Variants in CACNB2 observed in about 807,000 individuals in gnomAD.
CACNB2 encodes the protein voltage-dependent L-type calcium channel subunit beta-2.
In CACNB2, 42 loss-of-function variants were observed where a neutral mutation model predicts 73.3. The ratio of observed to expected loss-of-function variants is 0.57; its 90% CI spans 0.45 to 0.74. The LOEUF (loss-of-function observed/expected upper bound fraction) is 0.74, where lower values mean the gene tolerates loss of function less well. Among genes scored for constraint, CACNB2 ranks in the 30% least tolerant of loss-of-function variants. The pLI is 0.00. For missense variants in CACNB2, 940 were observed against 853.0 expected (o/e 1.10, Z -1.27); for synonymous variants, 348 against 310.3 (o/e 1.12, Z -1.28).
At chr10:18,323,811 T>C (rs1262664499) in intron 2 of CACNB2, among the ~76,000 whole-genome samples, 1 of 152,234 alleles carries the variant, frequency 6.6e-6, no homozygotes, top group Non-Finnish European at 1.5e-5. Context: ...TCCTATTTTC[T>C]CCATCCAGAA....
intron 2 of CACNB2, among the ~76,000 whole-genome samples, chr10:18,330,329 T>C (rs2040750840): frequency 1.3e-5 from 2 of 152,084 alleles, no homozygotes; most frequent in African/African-American, 4.8e-5. Flanking sequence ...CTTCCAAAAC[T>C]CATGACATCA....
intron 3 of CACNB2, among the ~76,000 whole-genome samples, chr10:18,450,708 C>T (rs2046979964): frequency 6.6e-6 from 1 of 151,122 alleles, no homozygotes; most frequent in South Asian, 2.1e-4. Flanking sequence ...CTGCAGTCGC[C>T]GCCCCCTGGG....
chr10:18,331,048 C>A (rs137925813), intron 2 of CACNB2, among the ~76,000 whole-genome samples: 6,896 of 147,590 alleles, frequency 0.047, 301 homozygotes, highest in African/African-American at 0.11. Flanking sequence ...TGCAATGGCG[C>A]GATCTTGGCC....
chr10:18,367,990 C>T (rs1018335405), intron 2 of CACNB2, among the ~76,000 whole-genome samples: 5 of 152,148 alleles, frequency 3.3e-5, no homozygotes, highest in African/African-American at 9.6e-5. Context: ...CTACTGAAAA[C>T]GAAATTCCCT....
chr10:18,146,160 T>A (rs2030950582), intron 1 of CACNB2, among the ~76,000 whole-genome samples: 1 of 152,196 alleles, frequency 6.6e-6, no homozygotes, highest in Admixed American at 6.5e-5. Context: ...TTATTCACAC[T>A]AAGCTATTGG....
At chr10:18,197,044 TTC>T (rs897828004) in intron 2 of CACNB2, among the ~76,000 whole-genome samples, 16 of 151,978 alleles carry the variant, frequency 1.1e-4, no homozygotes, top group African/African-American at 3.6e-4. Flanking sequence ...CTGCCTCTCA[TTC>T]TCTCTCTTCA....
At chr10:18,501,179 G>A (rs2050173040) in intron 5 of CACNB2, among the ~76,000 whole-genome samples, 1 of 152,198 alleles carries the variant, frequency 6.6e-6, no homozygotes, top group Non-Finnish European at 1.5e-5. Context: ...AATGAAAAGA[G>A]CTAAGGTCAT....
intron 3 of CACNB2, among the ~76,000 whole-genome samples, chr10:18,498,033 G>A (rs1261189511): frequency 6.6e-6 from 1 of 152,138 alleles, no homozygotes; most frequent in Non-Finnish European, 1.5e-5. Flanking sequence ...ATTCATGTTT[G>A]TGTTTCCTGA....
At position 18,191,344 on chromosome 10, in the gene CACNB2, C is replaced by A. The variant is rs550279054; in HGVS notation, c.213+40369C>A. Among the ~76,000 whole-genome samples the A allele has an allele frequency of 2.0e-5, 3 of 152,298 alleles. No individual in the cohort carries two copies. The South Asian group carries it at 6.2e-4, about 32-fold the overall frequency. ...AACTAGAACTTGACACCAGCTGCCC[C>A]CCGTGTATTGCTGCTTTTGCAGCCC... On this transcript the variant is annotated intron_variant, in intron 2 of 13. Coordinates refer to ENST00000324631, the MANE Select transcript of CACNB2 (RefSeq NM_201596.3).
intron 2 of CACNB2, among the ~76,000 whole-genome samples, chr10:18,154,530 T>C (rs575410832): frequency 6.6e-6 from 1 of 152,178 alleles, no homozygotes; most frequent in Non-Finnish European, 1.5e-5. Flanking sequence ...TGCGGTGGCC[T>C]GATCTTGGCT....
At chr10:18,396,454 C>G (rs529792148) in intron 2 of CACNB2, among the ~76,000 whole-genome samples, 1 of 152,136 alleles carries the variant, frequency 6.6e-6, no homozygotes, top group Non-Finnish European at 1.5e-5. Context: ...GGTCCTGGCC[C>G]GCTGAAGTCT....
intron 2 of CACNB2, among the ~76,000 whole-genome samples, chr10:18,399,032 G>A (rs1455316440): frequency 6.6e-6 from 1 of 152,204 alleles, no homozygotes; most frequent in Non-Finnish European, 1.5e-5. Context: ...ACAAAATTAT[G>A]TGTGGGTGTT....
intron 9 of CACNB2, among the ~76,000 whole-genome samples, chr10:18,527,147 G>A (rs887953579): frequency 3.3e-5 from 5 of 152,000 alleles, no homozygotes; most frequent in African/African-American, 1.2e-4. Context: ...TTGGAAGGCC[G>A]AGGGAGGCGG....
chr10:18,242,866 C>T (rs868477844), intron 2 of CACNB2, among the ~76,000 whole-genome samples: 43 of 151,218 alleles, frequency 2.8e-4, no homozygotes, highest in African/African-American at 9.9e-4. Context: ...AAACATTAGC[C>T]GGGCATGGTG....
At chr10:18,485,850 T>A (rs1261989685) in intron 3 of CACNB2, among the ~76,000 whole-genome samples, 1 of 151,732 alleles carries the variant, frequency 6.6e-6, no homozygotes, top group Non-Finnish European at 1.5e-5. Context: ...CCCAAAGTGC[T>A]GGGATTACTG....
chr10:18,384,665 G>C (rs2043149921), intron 2 of CACNB2, among the ~76,000 whole-genome samples: 1 of 152,044 alleles, frequency 6.6e-6, no homozygotes. Flanking sequence ...GGAAGGTGGA[G>C]GTTGCAGCGA....
chr10:18,175,281 G>A (rs758453224), intron 2 of CACNB2, among the ~76,000 whole-genome samples: 13 of 152,276 alleles, frequency 8.5e-5, no homozygotes, highest in Middle Eastern at 3.4e-3. Context: ...TGGTACTGAG[G>A]CATCTGACTA....
chr10:18,404,937 A>G (rs1289601611), intron 3 of CACNB2, among the ~76,000 whole-genome samples: 1 of 152,208 alleles, frequency 6.6e-6, no homozygotes, highest in African/African-American at 2.4e-5. Flanking sequence ...ACCAACTGAC[A>G]TGACATTGTT....
At chr10:18,179,490 G>C (rs2033769051) in intron 2 of CACNB2, among the ~76,000 whole-genome samples, 1 of 152,094 alleles carries the variant, frequency 6.6e-6, no homozygotes, top group Admixed American at 6.6e-5. Context: ...TTTGTGGTCA[G>C]GTTCAGTTTT....
Sources: gnomAD v4.1 joint callset for allele counts (sites outside exome capture counted in the v4.1 genomes callset) on GRCh38, gnomAD v4.1.1 for gene constraint, MANE v1.5 for transcripts, NCBI Gene and HGNC (gene_info 2026-07-23, HGNC 2026-07-21) for gene names.